Variants in MARCHF3 observed in about 807,000 individuals in gnomAD.
MARCHF3 encodes E3 ubiquitin-protein ligase MARCHF3.
In MARCHF3, 13 loss-of-function variants were observed where a neutral mutation model predicts 24.2. The ratio of observed to expected loss-of-function variants is 0.54; its 90% CI spans 0.35 to 0.85. MARCHF3 has a LOEUF of 0.85. Among genes scored for constraint, MARCHF3 ranks in the 40% least tolerant of loss-of-function variants. The pLI is 0.01. For synonymous variants in MARCHF3, 144 were observed against 137.3 expected (o/e 1.05, Z -0.34); for missense variants, 276 against 325.0 (o/e 0.85, Z 1.16).
At chr5:126,904,512 G>A (rs1754221110) in intron 3 of MARCHF3, among the ~76,000 whole-genome samples, 1 of 148,570 alleles carries the variant, frequency 6.7e-6, no homozygotes, top group Admixed American at 6.6e-5. Flanking sequence ...CATTCTAACT[G>A]GTGTGAGATG....
In MARCHF3 at chr5:126,878,395, C is replaced by T; in HGVS notation, c.394-1G>A. On this transcript the variant is annotated splice_acceptor_variant, in intron 3 of 4. Coordinates refer to ENST00000308660, the MANE Select transcript of MARCHF3 (RefSeq NM_178450.5). LOFTEE classifies it high-confidence loss of function. ...GCTGGGGGCCAGGGTTTCTCAGCCA[C>T]TGCCAGGTAAAGGGAGACAGAGAAG... 1 of 1,610,698 alleles carries T rather than the reference C, an allele frequency of 6.2e-7. No individual in the cohort carries two copies. Among genetic ancestry groups the T allele is most frequent in the Non-Finnish European group, 8.5e-7 (1 of 1,178,336 alleles).
chr5:126,874,299 A>G (rs1753072206), intron 4 of MARCHF3, among the ~76,000 whole-genome samples: 1 of 152,212 alleles, frequency 6.6e-6, no homozygotes. Context: ...ATAAAGTCAC[A>G]GCAGGCGGCC....
intron 1 of MARCHF3, among the ~76,000 whole-genome samples, chr5:127,011,943 C>T (rs1384050841): frequency 1.3e-5 from 2 of 152,142 alleles, no homozygotes; most frequent in Admixed American, 6.5e-5. Flanking sequence ...ATGGAATGGC[C>T]GATTAAAAGG....
At chr5:126,962,032 T>C (rs1249375320) in intron 1 of MARCHF3, among the ~76,000 whole-genome samples, 1 of 152,214 alleles carries the variant, frequency 6.6e-6, no homozygotes, top group Non-Finnish European at 1.5e-5. Flanking sequence ...AACAGGCACC[T>C]GCAAAACTTA....
At chr5:126,940,161 T>C (rs1288058902) in intron 1 of MARCHF3, among the ~76,000 whole-genome samples, 1 of 152,166 alleles carries the variant, frequency 6.6e-6, no homozygotes, top group Non-Finnish European at 1.5e-5. Flanking sequence ...GTGACTCGAA[T>C]TTTTCACCAC....
chr5:126,992,631 G>A (rs1751808527), intron 1 of MARCHF3, among the ~76,000 whole-genome samples: 1 of 152,034 alleles, frequency 6.6e-6, no homozygotes, highest in African/African-American at 2.4e-5. Flanking sequence ...CACATTACGG[G>A]TTCCTGGAGG....
chr5:126,940,934 T>C (rs547828435), intron 1 of MARCHF3, among the ~76,000 whole-genome samples: 92 of 152,328 alleles, frequency 6.0e-4, no homozygotes, highest in African/African-American at 2.2e-3. Context: ...ATTTATCTTT[T>C]GTGTTATAAA....
chr5:126,931,249 T>C (rs1425454919), intron 1 of MARCHF3, among the ~76,000 whole-genome samples: 2 of 152,180 alleles, frequency 1.3e-5, no homozygotes, highest in Non-Finnish European at 2.9e-5. Flanking sequence ...TGTTGTTTTT[T>C]GGTTTTTGGT....
intron 3 of MARCHF3, 36 bp downstream of exon 3, chr5:126,914,894 A>C: frequency 1.4e-5 from 22 of 1,605,594 alleles, no homozygotes; most frequent in African/African-American, 2.7e-5. Context: ...TTTGCTCATT[A>C]GAGCTAAGTT....
intron 2 of MARCHF3, among the ~76,000 whole-genome samples, chr5:126,916,539 G>A (rs1339212324): frequency 3.3e-5 from 5 of 152,132 alleles, no homozygotes; most frequent in Non-Finnish European, 7.4e-5. Flanking sequence ...GCCTACTTGT[G>A]CCCACGAGTG....
intron 1 of MARCHF3, among the ~76,000 whole-genome samples, chr5:126,945,653 G>C (rs1749985776): frequency 6.6e-6 from 1 of 152,218 alleles, no homozygotes; most frequent in Non-Finnish European, 1.5e-5. Context: ...AGCACAATGG[G>C]TGCTACCAGG....
At chr5:126,943,862 G>A (rs1417506989) in intron 1 of MARCHF3, among the ~76,000 whole-genome samples, 6 of 151,832 alleles carry the variant, frequency 4.0e-5, no homozygotes, top group Admixed American at 2.6e-4. Flanking sequence ...TCAGGCTGGA[G>A]TGCCAGTGGT....
chr5:126,896,195 C>T (rs1044952996), intron 3 of MARCHF3, among the ~76,000 whole-genome samples: 9 of 152,164 alleles, frequency 5.9e-5, no homozygotes, highest in African/African-American at 2.2e-4. Context: ...ACCCACTGAC[C>T]TGCGCCCACT....
chr5:126,913,228 A>G (rs1382008813), intron 3 of MARCHF3, among the ~76,000 whole-genome samples: 3 of 152,200 alleles, frequency 2.0e-5, no homozygotes, highest in African/African-American at 7.2e-5. Flanking sequence ...TTACGTGCAC[A>G]TACACTGGGA....
intron 1 of MARCHF3, among the ~76,000 whole-genome samples, chr5:126,988,060 T>G (rs1006272695): frequency 6.6e-6 from 1 of 152,104 alleles, no homozygotes; most frequent in African/African-American, 2.4e-5. Flanking sequence ...AAAAAAACTG[T>G]CTAGAAAGAA....
intron 1 of MARCHF3, among the ~76,000 whole-genome samples, chr5:127,020,491 T>C (rs1296224472): frequency 6.6e-6 from 1 of 152,214 alleles, no homozygotes; most frequent in Non-Finnish European, 1.5e-5. Flanking sequence ...AATGTGATAG[T>C]ATTAGAAGGT....
chr5:126,946,774 GTGTGTGTGTGTGTGTGTGTGTGTC>G (rs1380413722), intron 1 of MARCHF3, among the ~76,000 whole-genome samples: 1 of 150,440 alleles, frequency 6.6e-6, no homozygotes, highest in East Asian at 2.0e-4. Context: ...GTGTGTGTGT[GTGTGTGTGTGTGTGTGTGTGTGTC>G]TGTGTGTGTG....
At chr5:126,962,615 A>G (rs1750674568) in intron 1 of MARCHF3, among the ~76,000 whole-genome samples, 1 of 152,102 alleles carries the variant, frequency 6.6e-6, no homozygotes, top group Non-Finnish European at 1.5e-5. Context: ...CATGTGCAAA[A>G]TTATTTAAAA....
intron 1 of MARCHF3, among the ~76,000 whole-genome samples, chr5:126,966,904 C>CTTTT (rs1482106681): frequency 1.4e-4 from 1 of 7,124 alleles, no homozygotes; most frequent in Non-Finnish European, 3.3e-4. Context: ...GCTGTGAGAG[C>CTTTT]CTTTTTTTTT....
Sources: allele counts gnomAD v4.1 joint callset (sites outside exome capture counted in the v4.1 genomes callset), GRCh38; gene constraint gnomAD v4.1.1; transcripts MANE v1.5; gene names NCBI Gene and HGNC (gene_info 2026-07-23, HGNC 2026-07-21).